Variants in CNTN3 observed in about 807,000 individuals in gnomAD.
The protein encoded by CNTN3 is contactin-3.
Under a neutral mutation model 119.1 loss-of-function variants are expected in CNTN3, and 60 were observed. The observed-to-expected ratio is 0.50, with a 90% CI of 0.41 to 0.62. The LOEUF is 0.62. CNTN3 is among the 20% of genes least tolerant of loss of function. The pLI is 0.00. For missense variants in CNTN3, 1,101 were observed against 1,242.4 expected, an observed-to-expected ratio of 0.89 and a Z score of 1.71; for synonymous variants, 450 against 438.7, an observed-to-expected ratio of 1.03 and a Z score of -0.32.
chr3:74,596,644 CT>C (rs1423870756), intron 1 of CNTN3, among the ~76,000 whole-genome samples: 1 of 152,072 alleles, frequency 6.6e-6, no homozygotes, highest in African/African-American at 2.4e-5. Context: ...ATGTAGAAAG[CT>C]GAAACTGGAT....
At chr3:74,551,522 G>C (rs952751075) in intron 1 of CNTN3, among the ~76,000 whole-genome samples, 1 of 151,700 alleles carries the variant, frequency 6.6e-6, no homozygotes, top group Non-Finnish European at 1.5e-5. Flanking sequence ...GTTCACTCTC[G>C]GTGTCCTACA....
At chr3:74,306,779 C>T (rs191291409) in intron 13 of CNTN3, among the ~76,000 whole-genome samples, 1 of 152,152 alleles carries the variant, frequency 6.6e-6, no homozygotes, top group South Asian at 2.1e-4. Flanking sequence ...TTTCAAAGCA[C>T]CACTTATTAA....
intron 1 of CNTN3, among the ~76,000 whole-genome samples, chr3:74,582,814 TG>T (rs1704536015): frequency 6.7e-6 from 1 of 149,220 alleles, no homozygotes; most frequent in Non-Finnish European, 1.5e-5. Flanking sequence ...TGTGTGTGTG[TG>T]ACCCTACGAC....
At chr3:74,588,595 G>GA (rs1559669668) in intron 1 of CNTN3, among the ~76,000 whole-genome samples, 2 of 151,854 alleles carry the variant, frequency 1.3e-5, no homozygotes, top group East Asian at 1.9e-4. Flanking sequence ...CACAGAATTG[G>GA]AAAAAACTAC....
intron 4 of CNTN3, among the ~76,000 whole-genome samples, chr3:74,479,278 A>C (rs1702716815): frequency 8.3e-6 from 1 of 119,856 alleles, no homozygotes; most frequent in Non-Finnish European, 1.7e-5. Flanking sequence ...GACCCATAAC[A>C]AATCAAGTCA....
chr3:74,361,783 T>C, intron 11 of CNTN3, 107 bp downstream of exon 11: 11 of 1,143,914 alleles, frequency 9.6e-6, no homozygotes, highest in Non-Finnish European at 1.3e-5. Flanking sequence ...AGATCTCACA[T>C]GCTACTGAAA....
intron 12 of CNTN3, 85 bp downstream of exon 12, chr3:74,336,446 T>C (rs1559552808): frequency 9.1e-6 from 13 of 1,422,122 alleles, no homozygotes; most frequent in Admixed American, 7.1e-5. Context: ...GTACTGAACA[T>C]TGTGAAACAC....
chr3:74,594,270 TTTC>T (rs1377205552), intron 1 of CNTN3, among the ~76,000 whole-genome samples: 1 of 139,520 alleles, frequency 7.2e-6, no homozygotes, highest in African/African-American at 3.1e-5. Flanking sequence ...TATTTCTTTT[TTTC>T]TTTTTTTTTT....
At chr3:74,538,545 C>A (rs190293114) in intron 1 of CNTN3, among the ~76,000 whole-genome samples, 3 of 152,190 alleles carry the variant, frequency 2.0e-5, no homozygotes, top group African/African-American at 7.2e-5. Context: ...CCAACGTATC[C>A]TACTAAAAGT....
chr3:74,486,782 C>T, intron 3 of CNTN3, 151 bp from the exon 4 acceptor site: 3 of 622,632 alleles, frequency 4.8e-6, no homozygotes, highest in African/African-American at 1.9e-5. Flanking sequence ...ATCAAATATG[C>T]CCAAGTATTT....
intron 2 of CNTN3, among the ~76,000 whole-genome samples, chr3:74,502,447 G>A (rs936186293): frequency 5.3e-5 from 8 of 152,110 alleles, no homozygotes; most frequent in Admixed American, 1.3e-4. Flanking sequence ...ACTACTAGGA[G>A]CATTTTCTTC....
chr3:74,546,200 T>C (rs1703913183), intron 1 of CNTN3, among the ~76,000 whole-genome samples: 1 of 152,094 alleles, frequency 6.6e-6, no homozygotes, highest in African/African-American at 2.4e-5. Context: ...TTTCACCGTG[T>C]TAACCAGGAT....
chr3:74,303,075 C>A (rs886300122), intron 13 of CNTN3, among the ~76,000 whole-genome samples: 5 of 152,140 alleles, frequency 3.3e-5, no homozygotes, highest in African/African-American at 9.7e-5. Flanking sequence ...TAAATAAGGG[C>A]AGAGATTACA....
At chr3:74,273,205 T>A (rs1027593272) in intron 20 of CNTN3, among the ~76,000 whole-genome samples, 1 of 152,196 alleles carries the variant, frequency 6.6e-6, no homozygotes, top group Non-Finnish European at 1.5e-5. Context: ...AAAAACCGTC[T>A]GAAACATTCA....
intron 13 of CNTN3, among the ~76,000 whole-genome samples, chr3:74,330,307 G>A (rs1312393338): frequency 6.6e-6 from 1 of 151,480 alleles, no homozygotes; most frequent in Non-Finnish European, 1.5e-5. Context: ...AGTGAGTCAA[G>A]ATCGTGCCAC....
chr3:74,489,931 A>G (rs1268962625), intron 3 of CNTN3, among the ~76,000 whole-genome samples: 1 of 152,160 alleles, frequency 6.6e-6, no homozygotes, highest in Non-Finnish European at 1.5e-5. Flanking sequence ...CATGGTTAGT[A>G]TGGGAGGAGG....
intron 11 of CNTN3, among the ~76,000 whole-genome samples, chr3:74,344,285 T>C (rs189425638): frequency 1.3e-3 from 197 of 152,296 alleles, no homozygotes; most frequent in African/African-American, 4.6e-3. Flanking sequence ...TGCCCTGCTG[T>C]TGAGTTCTTG....
At chr3:74,559,082 A>G (rs1264382190) in intron 1 of CNTN3, among the ~76,000 whole-genome samples, 1 of 151,930 alleles carries the variant, frequency 6.6e-6, no homozygotes, top group Non-Finnish European at 1.5e-5. Context: ...AGAGCTCAAT[A>G]AAGATTAGCT....
chr3:74,379,515 C>T (rs779100026), intron 5 of CNTN3, among the ~76,000 whole-genome samples: 2 of 152,106 alleles, frequency 1.3e-5, no homozygotes, highest in Non-Finnish European at 2.9e-5. Context: ...CTTCACGTAC[C>T]CAACTGAAGT....
Sources: allele counts gnomAD v4.1 joint callset (sites outside exome capture counted in the v4.1 genomes callset), GRCh38; gene constraint gnomAD v4.1.1; transcripts MANE v1.5; gene names NCBI Gene and HGNC (gene_info 2026-07-23, HGNC 2026-07-21).